Variants in PLEKHH2 observed in about 807,000 individuals in gnomAD.
PLEKHH2 encodes pleckstrin homology, MyTH4 and FERM domain containing H2, also known as pleckstrin homology domain-containing family H member 2.
In PLEKHH2, 129 loss-of-function variants were observed where a neutral mutation model predicts 187.9. The observed-to-expected ratio is 0.69, with a 90% confidence interval of 0.59 to 0.79. PLEKHH2 has a LOEUF of 0.79. Ranked by LOEUF, PLEKHH2 falls within the 30% of genes least tolerant of loss-of-function variation. The pLI, the probability that PLEKHH2 is intolerant of heterozygous loss-of-function variation, is 0.00. For synonymous variants in PLEKHH2, 686 were observed against 605.6 expected (o/e 1.13, Z -1.95); for missense variants, 2,076 against 1,751.2 (o/e 1.19, Z -3.31).
chr2:43,696,196 G>A (rs971515281), intron 6 of PLEKHH2, among the ~76,000 whole-genome samples: 1 of 152,198 alleles, frequency 6.6e-6, no homozygotes, highest in African/African-American at 2.4e-5. Context: ...CACTGGGCCA[G>A]GCGCAGTGGC....
intron 2 of PLEKHH2, among the ~76,000 whole-genome samples, chr2:43,653,017 G>A (rs2104354148): frequency 6.6e-6 from 1 of 152,194 alleles, no homozygotes. Flanking sequence ...GGGATGTAAA[G>A]CAAAACATTA....
At chr2:43,750,042 T>C (rs565388009) in intron 24 of PLEKHH2, among the ~76,000 whole-genome samples, 8 of 152,376 alleles carry the variant, frequency 5.3e-5, no homozygotes, top group Admixed American at 3.9e-4. Flanking sequence ...TTTCTCACTG[T>C]GTTTTTGAAG....
intron 15 of PLEKHH2, among the ~76,000 whole-genome samples, chr2:43,716,987 G>T (rs1217488631): frequency 6.6e-6 from 1 of 152,200 alleles, no homozygotes; most frequent in Non-Finnish European, 1.5e-5. Flanking sequence ...CATAATCACA[G>T]GCCCTGGAGC....
intron 2 of PLEKHH2, among the ~76,000 whole-genome samples, chr2:43,670,279 TTAAGC>T (rs1667433405): frequency 2.0e-5 from 3 of 152,196 alleles, no homozygotes; most frequent in African/African-American, 7.2e-5. Flanking sequence ...GGACTTCGTA[TTAAGC>T]AGAACTGGCT....
At chr2:43,681,154 G>C in intron 3 of PLEKHH2, 1 of 726,148 alleles carries the variant, frequency 1.4e-6, no homozygotes, top group South Asian at 1.7e-5. Flanking sequence ...ACACTCTAAT[G>C]CCACTCAGAA....
In PLEKHH2 at chr2:43,761,373, G is replaced by A. The variant is rs559872726; in HGVS notation, c.4072-931G>A. ...TTCTTTTTATTAATATAATTTCATA[G>A]CTTTTTTTTTCTATGAGAACCAGGA... On this transcript the variant is annotated intron_variant, in intron 27 of 29. Transcript: ENST00000282406. Among the ~76,000 whole-genome samples, 64 of 148,356 alleles carry A rather than the reference G, an allele frequency of 4.3e-4. No individual in the cohort carries two copies. The South Asian group carries it at 0.013, about 30-fold the overall frequency.
At chr2:43,714,718 G>C (rs1419862074) in intron 15 of PLEKHH2, among the ~76,000 whole-genome samples, 1 of 152,054 alleles carries the variant, frequency 6.6e-6, no homozygotes, top group African/African-American at 2.4e-5. Context: ...AATGTATTAC[G>C]CAGTTACCAC....
At position 43,724,253 on chromosome 2, in the gene PLEKHH2, G is replaced by A. The variant is rs150987540; in HGVS notation, c.2542-2019G>A. Among the ~76,000 whole-genome samples, 718 of 152,304 alleles carry A rather than the reference G, an allele frequency of 4.7e-3. 5 individuals carry two copies. Among genetic ancestry groups the A allele is most frequent in the African/African-American group, 0.016 (675 of 41,564 alleles). ...TAACATGCTGGTATTAAAGCCATGAGCTTAGATGAGGTCACCCAGAGAGTG... is the reference window on the plus strand; with the variant it reads ...TAACATGCTGGTATTAAAGCCATGAACTTAGATGAGGTCACCCAGAGAGTG... On this transcript the variant is annotated intron_variant, in intron 16 of 29. Coordinates refer to ENST00000282406, the MANE Select transcript of PLEKHH2 (RefSeq NM_172069.4).
At chr2:43,694,066 A>G (rs969955973) in intron 4 of PLEKHH2, among the ~76,000 whole-genome samples, 2 of 152,100 alleles carry the variant, frequency 1.3e-5, no homozygotes, top group African/African-American at 2.4e-5. Flanking sequence ...GAGGGGAAAA[A>G]AAAAGCCATG....
intron 11 of PLEKHH2, among the ~76,000 whole-genome samples, chr2:43,709,688 T>C (rs1558535995): frequency 6.6e-6 from 1 of 152,014 alleles, no homozygotes; most frequent in Non-Finnish European, 1.5e-5. Flanking sequence ...ATACAAAAAT[T>C]AGCTGGGCGT....
At chr2:43,692,751 A>C in intron 4 of PLEKHH2, 88 bp downstream of exon 4, 2 of 1,385,196 alleles carry the variant, frequency 1.4e-6, no homozygotes, top group Non-Finnish European at 2.0e-6. Context: ...CTAAATTTCT[A>C]TATTTGGGGA....
chr2:43,759,084 C>T, intron 27 of PLEKHH2, 55 bp downstream of exon 27: 2 of 1,558,886 alleles, frequency 1.3e-6, no homozygotes, highest in South Asian at 1.2e-5. Flanking sequence ...ACATAGTTGA[C>T]CAGATTTACC....
intron 9 of PLEKHH2, 106 bp downstream of exon 9, chr2:43,704,162 T>C: frequency 1.4e-6 from 1 of 739,096 alleles, no homozygotes; most frequent in Non-Finnish European, 2.1e-6. Flanking sequence ...AAATACTGTA[T>C]GATTCCACCT....
At chr2:43,733,197 C>G (rs1671128507) in intron 19 of PLEKHH2, among the ~76,000 whole-genome samples, 1 of 152,074 alleles carries the variant, frequency 6.6e-6, no homozygotes, top group Admixed American at 6.6e-5. Flanking sequence ...CCTGTCTCTA[C>G]TTAAAAAATA....
intron 15 of PLEKHH2, among the ~76,000 whole-genome samples, chr2:43,716,503 T>C (rs930175312): frequency 2.0e-5 from 3 of 152,186 alleles, no homozygotes; most frequent in African/African-American, 7.2e-5. Flanking sequence ...GTAAGTATTA[T>C]TGAAGGCCCA....
In PLEKHH2 at chr2:43,692,598, C is replaced by A; in HGVS notation, c.271C>A (p.Leu91Met). The A allele has an allele frequency of 6.2e-7, 1 of 1,611,644 alleles. No homozygotes were observed. The highest frequency in any genetic ancestry group is 1.1e-5 in the South Asian group (1 of 90,920). ...ETRLYNKCQD[L>M]ESLIQEKDDV... ...AAGATTATATAATAAGTGTCAAGATCTGGAGTCGCTAATACAGGAAAAAGA... is the reference window on the plus strand; with the variant it reads ...AAGATTATATAATAAGTGTCAAGATATGGAGTCGCTAATACAGGAAAAAGA... The change falls in exon 4 of 30, where the codon CTG (leucine) becomes ATG (methionine). Residue 91 changes from leucine (L) to methionine (M), a missense_variant. Coordinates refer to ENST00000282406, the MANE Select transcript of PLEKHH2 (RefSeq NM_172069.4).
chr2:43,720,480 C>A (rs1670429068), intron 15 of PLEKHH2, among the ~76,000 whole-genome samples, 189 bp from the exon 16 acceptor site: 1 of 152,064 alleles, frequency 6.6e-6, no homozygotes, highest in Non-Finnish European at 1.5e-5. Context: ...CTATTGTTTC[C>A]CTATTTATGT....
chr2:43,647,289 ATAT>A (rs1666228152), intron 2 of PLEKHH2, among the ~76,000 whole-genome samples: 1 of 152,250 alleles, frequency 6.6e-6, no homozygotes, highest in African/African-American at 2.4e-5. Flanking sequence ...GTAGTTACTA[ATAT>A]TATCCACATT....
At chr2:43,735,868 A>T (rs887817458) in intron 19 of PLEKHH2, among the ~76,000 whole-genome samples, 26 of 152,200 alleles carry the variant, frequency 1.7e-4, no homozygotes, top group African/African-American at 6.3e-4. Context: ...GCATTTGACA[A>T]ATTTAACATT....
Sources: gnomAD v4.1 joint callset for allele counts (sites outside exome capture counted in the v4.1 genomes callset) on GRCh38, gnomAD v4.1.1 for gene constraint, MANE v1.5 for transcripts, NCBI Gene and HGNC (gene_info 2026-07-23, HGNC 2026-07-21) for gene names.